Variants in NF2 observed in about 807,000 individuals in gnomAD.
NF2 encodes the protein NF2, moesin-ezrin-radixin like (MERLIN) tumor suppressor.
Under a neutral mutation model 83.7 loss-of-function variants are expected in NF2, and 8 were observed. The observed-to-expected ratio is 0.10, with a 90% CI of 0.06 to 0.17. NF2 has a LOEUF of 0.17. Among genes scored for constraint, NF2 ranks in the 10% least tolerant of loss-of-function variants. NF2 has a pLI of 1.00. For synonymous variants in NF2, 266 were observed against 269.6 expected (o/e 0.99, Z 0.13); for missense variants, 533 against 744.4 (o/e 0.72, Z 3.31).
intron 7 of NF2, among the ~76,000 whole-genome samples, chr22:29,660,546 A>G (rs545899462): frequency 2.6e-5 from 4 of 152,314 alleles, no homozygotes; most frequent in Non-Finnish European, 4.4e-5. Flanking sequence ...TTCTTTAAAT[A>G]TAAGAAATCA....
At chr22:29,613,324 G>C (rs972886020) in intron 1 of NF2, among the ~76,000 whole-genome samples, 1 of 152,112 alleles carries the variant, frequency 6.6e-6, no homozygotes, top group Non-Finnish European at 1.5e-5. Flanking sequence ...GAGGACAGGA[G>C]TTCGAGACCA....
At chr22:29,623,770 A>C (rs2065275095) in intron 1 of NF2, among the ~76,000 whole-genome samples, 1 of 152,144 alleles carries the variant, frequency 6.6e-6, no homozygotes, top group African/African-American at 2.4e-5. Flanking sequence ...AAGATCCCTA[A>C]ACCGATGTCT....
intron 8 of NF2, among the ~76,000 whole-genome samples, chr22:29,663,510 A>C (rs756041752): frequency 6.6e-6 from 1 of 152,220 alleles, no homozygotes; most frequent in Non-Finnish European, 1.5e-5. Context: ...TGATCCATTG[A>C]TTCTTTGTGT....
rs2146892372 is a variant in NF2, at chr22:29,642,185, C to T, written c.364-17C>T. ...TCCACTCACAGAGTATCATGTCTCC[C>T]TTGTTGCTCCTTTCAGGTAAAGAAG... On this transcript the variant is annotated splice_polypyrimidine_tract_variant and intron_variant, in intron 3 of 15. Coordinates refer to ENST00000338641, the MANE Select transcript of NF2 (RefSeq NM_000268.4). 6.2e-7 allele frequency: 1 copy of T among 1,604,858 alleles called. No homozygotes were observed. Among genetic ancestry groups the T allele is most frequent in the African/African-American group, 1.3e-5 (1 of 74,860 alleles).
intron 1 of NF2, among the ~76,000 whole-genome samples, chr22:29,634,136 G>A (rs554485976): frequency 1.3e-5 from 2 of 152,190 alleles, no homozygotes; most frequent in African/African-American, 4.8e-5. Flanking sequence ...AAAGGCCAGT[G>A]TATGCTTTGG....
intron 1 of NF2, among the ~76,000 whole-genome samples, chr22:29,619,679 G>A (rs150528457): frequency 1.2e-4 from 19 of 152,190 alleles, no homozygotes; most frequent in African/African-American, 4.3e-4. Flanking sequence ...ACAGGCATGA[G>A]CCACCGTGCC....
rs983945835 is a variant in NF2, at chr22:29,694,391, A to C, written c.1738-361A>C. Among the ~76,000 whole-genome samples the C allele has an allele frequency of 6.6e-6, 1 of 152,216 alleles. No individual in the cohort carries two copies. Among genetic ancestry groups the C allele is most frequent in the Admixed American group, 6.5e-5 (1 of 15,272 alleles). On this transcript the variant is annotated intron_variant, in intron 15 of 15. Coordinates refer to ENST00000338641, the MANE Select transcript of NF2 (RefSeq NM_000268.4). This position sits in a 1 kb window ranked among gnomAD's most constrained non-coding sequence, Gnocchi z 4.1. Reference sequence around the variant, plus strand: ...GAGCAGCCTCAGCTGGTGCCGCCACAGACAGCACACCACAGAGGTGGCTCA... The same window carrying C: ...GAGCAGCCTCAGCTGGTGCCGCCACCGACAGCACACCACAGAGGTGGCTCA...
Position 29,693,211 on chromosome 22 carries a change from G to A in NF2, c.1738-1541G>A, listed in dbSNP as rs1015138977. ...GGCCCTTCTCCTCTGATTACATTTA[G>A]GGAGAAGCCCATCCTGATGCAGCTC... On this transcript the variant is annotated intron_variant, in intron 15 of 15. Transcript: ENST00000338641. 2.0e-5 allele frequency among the ~76,000 whole-genome samples: 3 copies of A among 152,254 alleles called. No individual in the cohort carries two copies. The East Asian group carries it at 5.8e-4, about 29-fold the overall frequency.
At chr22:29,614,634 C>G (rs2065038107) in intron 1 of NF2, among the ~76,000 whole-genome samples, 1 of 151,742 alleles carries the variant, frequency 6.6e-6, no homozygotes, top group Admixed American at 6.6e-5. Flanking sequence ...GTAATCACAG[C>G]TACTTGGGAG....
chr22:29,610,462 G>T (rs1180366466), intron 1 of NF2, among the ~76,000 whole-genome samples: 3 of 151,946 alleles, frequency 2.0e-5, no homozygotes, highest in African/African-American at 4.8e-5. Flanking sequence ...GTCTAATATG[G>T]TGAAACCCCA....
At chr22:29,608,832 A>T (rs189128105) in intron 1 of NF2, 1 of 371,524 alleles carries the variant, frequency 2.7e-6, no homozygotes, top group Admixed American at 4.0e-5. Flanking sequence ...TAGACCTATA[A>T]CAAGTAAAGA....
intron 9 of NF2, among the ~76,000 whole-genome samples, chr22:29,667,134 G>A (rs138596353): frequency 1.5e-3 from 229 of 152,252 alleles, no homozygotes; most frequent in African/African-American, 5.3e-3. Context: ...CAACAGTAGT[G>A]GGTGAAGTTT....
intron 9 of NF2, among the ~76,000 whole-genome samples, chr22:29,667,458 C>G (rs1257073595): frequency 6.6e-6 from 1 of 152,118 alleles, no homozygotes; most frequent in East Asian, 1.9e-4. Context: ...CCAGGCTTGT[C>G]TTAAACTCCT....
chr22:29,659,785 A>G (rs2066422784), intron 7 of NF2, among the ~76,000 whole-genome samples: 1 of 152,146 alleles, frequency 6.6e-6, no homozygotes, highest in African/African-American at 2.4e-5. Context: ...TTGAAACACA[A>G]TGAAACATCT....
At chr22:29,630,616 TC>T (rs1217140820) in intron 1 of NF2, among the ~76,000 whole-genome samples, 2 of 152,108 alleles carry the variant, frequency 1.3e-5, no homozygotes, top group Non-Finnish European at 2.9e-5. Flanking sequence ...GGCATTGGAG[TC>T]CACATTTGTG....
rs1422689777 is a variant in NF2 at position 29,696,142 on chromosome 22, C to T, written c.*1340C>T. On this transcript the variant is annotated 3_prime_UTR_variant, in exon 16 of 16. Transcript: ENST00000338641. ...AGGTGGGAGTGTGGTGGCACAATCT[C>T]GGCTCACTGCAACCTCCACCTCCTG... is the stretch of plus-strand genomic sequence containing the variant. 9.2e-6 allele frequency: 2 copies of T among 216,220 alleles called. No homozygotes were observed. Among genetic ancestry groups the T allele is most frequent in the South Asian group, 1.9e-4 (1 of 5,174 alleles). 13.4% of individuals were successfully genotyped at this position (216,220 alleles called of 1,614,324 possible). A position where few individuals can be genotyped will look rare whatever the true frequency, so the allele number is the denominator to read the frequency against.
At chr22:29,623,191 C>T (rs761776097) in intron 1 of NF2, among the ~76,000 whole-genome samples, 2 of 150,484 alleles carry the variant, frequency 1.3e-5, no homozygotes, top group East Asian at 2.0e-4. Context: ...GCGATCCTTC[C>T]GCCTCAGCCT....
At chr22:29,639,263 G>A (rs760706538) in intron 3 of NF2, 51 bp downstream of exon 3, 1 of 1,612,290 alleles carries the variant, frequency 6.2e-7, no homozygotes, top group Non-Finnish European at 8.5e-7. Flanking sequence ...GCCCAGGAGT[G>A]GTTGCAGAGT....
chr22:29,652,536 A>G (rs1057330481), intron 4 of NF2, among the ~76,000 whole-genome samples: 4 of 152,154 alleles, frequency 2.6e-5, no homozygotes, highest in African/African-American at 9.7e-5. Context: ...TCTCAACTTC[A>G]GGTGATCTGC....
Sources: gnomAD v4.1 joint callset for allele counts (sites outside exome capture counted in the v4.1 genomes callset) on GRCh38, gnomAD v4.1.1 for gene constraint, Gnocchi (gnomAD v3.1) non-coding constraint, MANE v1.5 for transcripts, NCBI Gene and HGNC (gene_info 2026-07-23, HGNC 2026-07-21) for gene names.